TMOD2: variants seen among roughly 807,000 people sequenced by gnomAD.
The protein encoded by TMOD2 is tropomodulin-2.
Under a neutral mutation model 39.9 loss-of-function variants are expected in TMOD2, and 22 were observed. The ratio of observed to expected loss-of-function variants is 0.55; its 90% CI spans 0.39 to 0.79. The LOEUF is 0.79. TMOD2 is among the 30% of genes least tolerant of loss of function. TMOD2 has a pLI of 0.00. For synonymous variants in TMOD2, 123 were observed against 146.1 expected (o/e 0.84, Z 1.14); for missense variants, 386 against 413.3 (o/e 0.93, Z 0.57).
chr15:51,788,060 CA>C (rs1436978414), intron 7 of TMOD2, among the ~76,000 whole-genome samples: 1 of 152,128 alleles, frequency 6.6e-6, no homozygotes, highest in African/African-American at 2.4e-5. Flanking sequence ...CTTCTCTGAG[CA>C]AAAGGAGCAT....
At chr15:51,766,667 C>A in intron 2 of TMOD2, 100 bp downstream of exon 2, 1 of 1,323,800 alleles carries the variant, frequency 7.6e-7, no homozygotes, top group Non-Finnish European at 1.0e-6. Flanking sequence ...GCTCGGAATG[C>A]ACATTTTCTT....
Position 51,768,256 on chromosome 15 carries a change from T to C in TMOD2, c.127-6T>C. ...TTCCTTCCTGCTCACACCTCTTTCT[T>C]GTCAGAGTGCCATGCTGCCAGCTGG... On this transcript the variant is annotated splice_region_variant and splice_polypyrimidine_tract_variant and intron_variant, in intron 2 of 9. Coordinates refer to ENST00000249700, the MANE Select transcript of TMOD2 (RefSeq NM_014548.4). 1 of 1,614,074 alleles carries C rather than the reference T, an allele frequency of 6.2e-7. No homozygotes were observed. The highest frequency in any genetic ancestry group is 8.5e-7 in the Non-Finnish European group (1 of 1,179,940).
intron 7 of TMOD2, among the ~76,000 whole-genome samples, chr15:51,786,920 G>A (rs1355305165): frequency 6.6e-6 from 1 of 152,246 alleles, no homozygotes; most frequent in Non-Finnish European, 1.5e-5. Context: ...CGACGCAGAA[G>A]ATGGGTGTTT....
chr15:51,777,149 A>G, intron 5 of TMOD2, 131 bp downstream of exon 5: 3 of 725,048 alleles, frequency 4.1e-6, no homozygotes, highest in South Asian at 3.2e-5. Flanking sequence ...GCTTTGAGCA[A>G]TCAAACCAGA....
At chr15:51,792,180 A>G (rs1022892176) in intron 7 of TMOD2, among the ~76,000 whole-genome samples, 3 of 152,226 alleles carry the variant, frequency 2.0e-5, no homozygotes, top group African/African-American at 7.2e-5. Flanking sequence ...AAAGCAAACA[A>G]TCCCATCAAA....
chr15:51,761,924 G>A (rs2055783523), intron 1 of TMOD2, among the ~76,000 whole-genome samples: 1 of 151,992 alleles, frequency 6.6e-6, no homozygotes, highest in Non-Finnish European at 1.5e-5. Flanking sequence ...GAAACAGGCA[G>A]ATCACGAGGT....
intron 7 of TMOD2, among the ~76,000 whole-genome samples, chr15:51,795,573 GCTTGCTTTCTTTCTTTCTTT>G (rs1323364180): frequency 0.039 from 1,339 of 33,918 alleles, 59 homozygotes; most frequent in African/African-American, 0.076. Flanking sequence ...CTGCTTGCTT[GCTTGCTTTCTTTCTTTCTTT>G]CTTTCTTTCT....
rs1388154960 is a variant in TMOD2 at position 51,810,810 on chromosome 15, A to G, written c.*2356A>G. On this transcript the variant is annotated 3_prime_UTR_variant, in exon 10 of 10. Coordinates refer to ENST00000249700, the MANE Select transcript of TMOD2 (RefSeq NM_014548.4). ...CTTGACTCTTAAAATCCTGGACCCTATAGAGCATTCCTTGCAGCCCCACAG... is the reference window on the plus strand; with the variant it reads ...CTTGACTCTTAAAATCCTGGACCCTGTAGAGCATTCCTTGCAGCCCCACAG... 1.4e-5 allele frequency: 2 copies of G among 140,276 alleles called. No homozygotes were observed. Among genetic ancestry groups the G allele is most frequent in the Non-Finnish European group, 3.0e-5 (2 of 65,990 alleles). The allele number at this position is 140,276 out of a possible 1,614,324, so 8.7% of individuals were successfully genotyped here.
chr15:51,805,837 A>G (rs1262709877), intron 8 of TMOD2, among the ~76,000 whole-genome samples: 1 of 152,200 alleles, frequency 6.6e-6, no homozygotes, highest in Non-Finnish European at 1.5e-5. Context: ...GAAATGAATA[A>G]AGGTAATGGT....
chr15:51,798,462 T>C, intron 8 of TMOD2, 122 bp downstream of exon 8: 1 of 1,216,916 alleles, frequency 8.2e-7, no homozygotes, highest in Non-Finnish European at 1.1e-6. Context: ...TGTACTGGAT[T>C]TCCTGTAAGT....
intron 2 of TMOD2, chr15:51,766,819 A>G (rs1269840771): frequency 1.0e-5 from 3 of 297,982 alleles, no homozygotes; most frequent in Non-Finnish European, 1.9e-5. Context: ...TTGGTTGAGA[A>G]AGGACTAGTC....
At chr15:51,783,157 C>T (rs1240589382) in intron 7 of TMOD2, 2 of 240,762 alleles carry the variant, frequency 8.3e-6, no homozygotes, top group African/African-American at 2.3e-5. Flanking sequence ...GATATCATGA[C>T]CCTAAAGCCC....
chr15:51,790,832 C>T (rs904766729), intron 7 of TMOD2, among the ~76,000 whole-genome samples: 4 of 152,116 alleles, frequency 2.6e-5, no homozygotes, highest in Non-Finnish European at 5.9e-5. Flanking sequence ...TCTCAATCAA[C>T]TAGGTATTGA....
chr15:51,783,137 A>G, intron 7 of TMOD2: 1 of 301,754 alleles, frequency 3.3e-6, no homozygotes, highest in Non-Finnish European at 6.3e-6. Context: ...TTTCACATCT[A>G]CAGTCATTGG....
intron 7 of TMOD2, among the ~76,000 whole-genome samples, chr15:51,793,068 ATTAT>A (rs1173103507): frequency 1.3e-5 from 2 of 152,194 alleles, no homozygotes; most frequent in Non-Finnish European, 2.9e-5. Context: ...ATAAATTTAA[ATTAT>A]TTAGTAGCCA....
At position 51,777,034 on chromosome 15, in the gene TMOD2, A is replaced by G. The variant is rs2899479; in HGVS notation, c.493+16A>G. On this transcript the variant is annotated intron_variant, in intron 5 of 9. Transcript: ENST00000249700. ...CCTGTCAGAAGTAAGTTGATGTGCAATCTGTGGTTTTGTAAAGCTTTGGAG... is the reference window on the plus strand; with the variant it reads ...CCTGTCAGAAGTAAGTTGATGTGCAGTCTGTGGTTTTGTAAAGCTTTGGAG... 11 of 1,587,824 alleles carry G rather than the reference A, an allele frequency of 6.9e-6. No individual in the cohort carries two copies. Among genetic ancestry groups the G allele is most frequent in the South Asian group, 3.3e-5 (3 of 90,872 alleles).
At position 51,781,120 on chromosome 15, in the gene TMOD2, G is replaced by A; in HGVS notation, c.570G>A (p.Gln190=). The part of the protein sequence containing the change: ...PNPTNVEISL[Q]QMKANDPSLQ... ...CCACAAATGTGGAAATAAGCCTGCA[G>A]CAGATGAAAGCCAATGATCCTAGCT... The change falls in exon 6 of 10, where the codon CAG becomes CAA. Residue 190 remains glutamine, a synonymous_variant. Transcript: ENST00000249700. 1 of 1,612,952 alleles carries A rather than the reference G, an allele frequency of 6.2e-7. No individual in the cohort carries two copies. Among genetic ancestry groups the A allele is most frequent in the Non-Finnish European group, 8.5e-7 (1 of 1,179,660 alleles).
At chr15:51,755,843 A>T (rs1687020158) in intron 1 of TMOD2, among the ~76,000 whole-genome samples, 1 of 151,914 alleles carries the variant, frequency 6.6e-6, no homozygotes, top group Admixed American at 6.6e-5. Context: ...AAGAGACAAG[A>T]TGAGTGAGTC....
chr15:51,777,636 G>C (rs1313689294), intron 5 of TMOD2, among the ~76,000 whole-genome samples: 1 of 152,154 alleles, frequency 6.6e-6, no homozygotes, highest in Non-Finnish European at 1.5e-5. Flanking sequence ...CCTACTATGT[G>C]TCAGGAATGT....
Sources: allele counts gnomAD v4.1 joint callset (sites outside exome capture counted in the v4.1 genomes callset), GRCh38; gene constraint gnomAD v4.1.1; transcripts MANE v1.5; gene names NCBI Gene and HGNC (gene_info 2026-07-23, HGNC 2026-07-21).